Variants in GGTA1 observed in about 807,000 individuals in gnomAD.
The protein encoded by GGTA1 is glycoprotein alpha-galactosyltransferase 1 (inactive), also known as inactive N-acetyllactosaminide alpha-1,3-galactosyltransferase.
In GGTA1, 5 loss-of-function variants were observed where a neutral mutation model predicts 2.6. That is an observed-to-expected ratio of 1.92 (90% confidence interval 1.00 to 4.04). GGTA1 has a LOEUF of 4.04. GGTA1 is among the 30% of genes most tolerant of loss of function. GGTA1 has a pLI of 0.00. For missense variants in GGTA1, 50 were observed against 16.7 expected, an observed-to-expected ratio of 2.99 and a Z score of -3.47; for synonymous variants, 17 against 5.0, an observed-to-expected ratio of 3.38 and a Z score of -3.19.
At chr9:121,465,908 A>T (rs1179829313) in intron 2 of GGTA1, among the ~76,000 whole-genome samples, 1 of 152,068 alleles carries the variant, frequency 6.6e-6, no homozygotes. Context: ...AGGTACTATT[A>T]TAATCCCTCC....
intron 1 of GGTA1, among the ~76,000 whole-genome samples, chr9:121,493,027 G>C (rs1828902229): frequency 6.6e-6 from 1 of 151,768 alleles, no homozygotes; most frequent in African/African-American, 2.4e-5. Flanking sequence ...GCCTGTACTT[G>C]GGAGGCTGAG....
intron 1 of GGTA1, among the ~76,000 whole-genome samples, chr9:121,472,512 C>T (rs938787956): frequency 1.3e-5 from 2 of 152,056 alleles, no homozygotes; most frequent in African/African-American, 4.8e-5. Flanking sequence ...GTGCTCAAAA[C>T]AGATTTGAAG....
intron 1 of GGTA1, among the ~76,000 whole-genome samples, chr9:121,468,832 A>G (rs542877253): frequency 6.6e-6 from 1 of 152,172 alleles, no homozygotes; most frequent in Non-Finnish European, 1.5e-5. Context: ...TGTAGGAGAC[A>G]ATGGAAGTAG....
rs1165203291 is a variant in GGTA1, at chr9:121,461,609, C to T, written c.117-292G>A. Among the ~76,000 whole-genome samples, 3 of 152,070 alleles carry T rather than the reference C, an allele frequency of 2.0e-5. No individual in the cohort carries two copies. In the East Asian group the frequency reaches 5.8e-4, roughly 29 times the overall value. Reference sequence around the variant, plus strand: ...GTGGGGGTGGTATTAATGCATAAACCTGAGTTCTAGATCTGCCACTTACTA... The same window carrying T: ...GTGGGGGTGGTATTAATGCATAAACTTGAGTTCTAGATCTGCCACTTACTA... On this transcript the variant is annotated intron_variant, in intron 3 of 5. Coordinates refer to ENST00000481799, the MANE Select transcript of GGTA1 (RefSeq NM_001382585.1).
chr9:121,487,742 A>G lies in GGTA1; in HGVS notation c.-10+11908T>C, dbSNP rs1479996373. 5.3e-5 allele frequency among the ~76,000 whole-genome samples: 8 copies of G among 152,070 alleles called. No individual in the cohort carries two copies. The East Asian group carries it at 1.5e-3, about 29-fold the overall frequency. ...GACTTTTTTCTTTTTTTGAGGTGGA[A>G]TCTCGTTCTGTCACCCAGGCTGGAG... On this transcript the variant is annotated intron_variant, in intron 1 of 5. Transcript: ENST00000481799.
exon 8 of GGTA1, chr9:121,445,506 A>G (rs2064848362): frequency 6.6e-6 from 1 of 152,226 alleles, no homozygotes; most frequent in Admixed American, 6.5e-5. Flanking sequence ...CAAATGACCG[A>G]GACTGGAACA....
intron 1 of GGTA1, among the ~76,000 whole-genome samples, chr9:121,469,932 G>A (rs192656309): frequency 6.6e-6 from 1 of 152,256 alleles, no homozygotes; most frequent in East Asian, 1.9e-4. Flanking sequence ...ATCCTAAACT[G>A]TTCACCCTGC....
intron 1 of GGTA1, among the ~76,000 whole-genome samples, chr9:121,485,516 T>C (rs1014707100): frequency 2.0e-5 from 3 of 152,146 alleles, no homozygotes; most frequent in Non-Finnish European, 4.4e-5. Flanking sequence ...CCTGAGTTGA[T>C]GGGATAGAGG....
At chr9:121,486,424 G>A (rs1828755069) in intron 1 of GGTA1, among the ~76,000 whole-genome samples, 1 of 152,216 alleles carries the variant, frequency 6.6e-6, no homozygotes, top group Admixed American at 6.5e-5. Flanking sequence ...TGGACCCCAG[G>A]TGGTGTGCAG....
intron 1 of GGTA1, among the ~76,000 whole-genome samples, chr9:121,481,659 A>AGATAGAG (rs1828652793): frequency 1.8e-5 from 2 of 113,940 alleles, no homozygotes; most frequent in South Asian, 6.5e-4. Context: ...TCCAGCCTGG[A>AGATAGAG]GATAGAGTGA....
intron 1 of GGTA1, among the ~76,000 whole-genome samples, chr9:121,488,717 C>CA (rs1383999096): frequency 7.3e-5 from 11 of 151,290 alleles, no homozygotes; most frequent in Non-Finnish European, 1.2e-4. Flanking sequence ...AACTCCGTCT[C>CA]AAAAAGCAAA....
intron 1 of GGTA1, among the ~76,000 whole-genome samples, chr9:121,497,560 C>G (rs1829019959): frequency 6.6e-6 from 1 of 152,078 alleles, no homozygotes; most frequent in South Asian, 2.1e-4. Context: ...TGAGGGGCTG[C>G]TCAGCCCACA....
chr9:121,496,757 A>AAGAG (rs1564659495), intron 1 of GGTA1, among the ~76,000 whole-genome samples: 4,526 of 110,784 alleles, frequency 0.041, 459 homozygotes, highest in Middle Eastern at 0.065. Context: ...AAAAAAAAAA[A>AAGAG]AGAGAGAGAG....
chr9:121,452,472 G>A (rs2064882873), downstream of GGTA1, among the ~76,000 whole-genome samples: 2 of 151,996 alleles, frequency 1.3e-5, no homozygotes, highest in South Asian at 4.2e-4. Context: ...TAAGGAAGAT[G>A]AGGCTTTGGC....
chr9:121,473,735 G>C (rs1337861049), intron 1 of GGTA1, among the ~76,000 whole-genome samples: 1 of 152,054 alleles, frequency 6.6e-6, no homozygotes, highest in East Asian at 1.9e-4. Flanking sequence ...AGACCAGCCT[G>C]GGCAACATGG....
chr9:121,499,442 A>T (rs1242784764), intron 1 of GGTA1, among the ~76,000 whole-genome samples: 1 of 152,064 alleles, frequency 6.6e-6, no homozygotes, highest in Non-Finnish European at 1.5e-5. Flanking sequence ...CGGCCACAGG[A>T]TGGGGACAGA....
At chr9:121,466,454 C>T (rs1219702077) in intron 2 of GGTA1, among the ~76,000 whole-genome samples, 1 of 152,156 alleles carries the variant, frequency 6.6e-6, no homozygotes, top group Non-Finnish European at 1.5e-5. Context: ...AACTTGGTCA[C>T]ACTCTAGTTT....
intron 1 of GGTA1, among the ~76,000 whole-genome samples, chr9:121,496,615 C>T (rs1001047018): frequency 7.2e-5 from 10 of 138,456 alleles, no homozygotes; most frequent in African/African-American, 2.5e-4. Flanking sequence ...GCCTGTAATC[C>T]CAGCTACTCA....
At chr9:121,449,971 A>G (rs1028801673) in intron 7 of GGTA1, among the ~76,000 whole-genome samples, 1 of 152,182 alleles carries the variant, frequency 6.6e-6, no homozygotes, top group Admixed American at 6.5e-5. Flanking sequence ...AGAATAAGCC[A>G]GTTGGCTTAA....
Sources: allele counts gnomAD v4.1 joint callset (sites outside exome capture counted in the v4.1 genomes callset), GRCh38; gene constraint gnomAD v4.1.1; transcripts MANE v1.5; gene names NCBI Gene and HGNC (gene_info 2026-07-23, HGNC 2026-07-21).